FBXL8: variants seen among roughly 807,000 people sequenced by gnomAD.
FBXL8 encodes F-box/LRR-repeat protein 8.
In FBXL8, 13 loss-of-function variants were observed where a neutral mutation model predicts 8.2. The observed-to-expected ratio is 1.58, with a 90% CI of 1.03 to 2.51. The LOEUF (loss-of-function observed/expected upper bound fraction) is 2.51. FBXL8 is among the 30% of genes most tolerant of loss of function. The pLI, the probability that FBXL8 is intolerant of heterozygous loss-of-function variation, is 0.00. For synonymous variants in FBXL8, 271 were observed against 260.5 expected, an observed-to-expected ratio of 1.04 and a Z score of -0.39; for missense variants, 565 against 540.4, an observed-to-expected ratio of 1.05 and a Z score of -0.45.
At chr16:67,161,420 G>T (rs1802407476) in intron 1 of FBXL8, among the ~76,000 whole-genome samples, 1 of 149,778 alleles carries the variant, frequency 6.7e-6, no homozygotes, top group Non-Finnish European at 1.5e-5. Flanking sequence ...TCCAGCCTGG[G>T]TAAAGAGCGA....
At position 67,163,285 on chromosome 16, in the gene FBXL8, G is replaced by A. The variant is rs746787072; in HGVS notation, c.590G>A (p.Gly197Asp). ...GCCTGCCCGCGCCTGCGCGCTCTCG[G>A]CCTGCACCTAGCCAGTTTGTCGCAC... ...LEACPRLRALGLHLASLSHAI... is the reference protein window; with the variant it reads ...LEACPRLRALDLHLASLSHAI... Residue 197 changes from glycine to aspartate, a missense_variant, in exon 3 of 3, where the codon GGC (glycine) becomes GAC (aspartate). Gly to Asp is a moderately conservative substitution (Grantham distance 94). Coordinates refer to ENST00000258200, the MANE Select transcript of FBXL8 (RefSeq NM_018378.3). The A allele has an allele frequency of 8.3e-6, 13 of 1,574,926 alleles. No individual in the cohort carries two copies. In the Admixed American group the frequency reaches 8.9e-5, roughly 11 times the overall value.
rs867362676 is a variant in FBXL8, at chr16:67,163,317, C to T, written c.622C>T (p.Leu208Phe). 2 of 1,574,050 alleles carry T rather than the reference C, an allele frequency of 1.3e-6. No individual in the cohort carries two copies. Among genetic ancestry groups the T allele is most frequent in the Non-Finnish European group, 1.7e-6 (2 of 1,163,176 alleles). ...CCTAGCCAGTTTGTCGCACGCCATCCTCGAAGCACTGGCGGCGCCAGACCG... is the reference window on the plus strand; with the variant it reads ...CCTAGCCAGTTTGTCGCACGCCATCTTCGAAGCACTGGCGGCGCCAGACCG... ...LHLASLSHAI[L>F]EALAAPDRAP... Residue 208 changes from leucine (L) to phenylalanine (F), a missense_variant, in exon 3 of 3, where the codon CTC (leucine) becomes TTC (phenylalanine). Physicochemically the swap from Leu to Phe is conservative, Grantham distance 22. Coordinates refer to ENST00000258200, the MANE Select transcript of FBXL8 (RefSeq NM_018378.3).
At chr16:67,161,451 G>GAA (rs59873315) in intron 1 of FBXL8, among the ~76,000 whole-genome samples, 20 of 105,630 alleles carry the variant, frequency 1.9e-4, no homozygotes, top group African/African-American at 4.2e-4. Context: ...CAAAAAAAAA[G>GAA]AAAAAAAAAA....
Position 67,162,606 on chromosome 16 carries a change from C to T in FBXL8, c.153-242C>T, listed in dbSNP as rs1427835129. On this transcript the variant is annotated intron_variant, in intron 2 of 2. Coordinates refer to ENST00000258200, the MANE Select transcript of FBXL8 (RefSeq NM_018378.3). ...TAGAGACAGCTGAGAAAGCCCAGTT[C>T]CTAAAATATCATTGGCTCTCCATGT... 5 of 715,042 alleles carry T rather than the reference C, an allele frequency of 7.0e-6. No homozygotes were observed. The Admixed American group carries it at 1.0e-4, about 14-fold the overall frequency. 44.3% of individuals were successfully genotyped at this position (715,042 alleles called of 1,614,324 possible).
At chr16:67,160,324 A>G (rs2030857321) in intron 1 of FBXL8, 1 of 152,266 alleles carries the variant, frequency 6.6e-6, no homozygotes, top group East Asian at 1.9e-4. Context: ...ACGTGGCACA[A>G]ATTCCGGGAG....
rs748504461 is a variant in FBXL8 at position 67,162,862 on chromosome 16, T to C, written c.167T>C (p.Leu56Pro). 6.4e-7 allele frequency: 1 copy of C among 1,551,284 alleles called. No homozygotes were observed. The highest frequency in any genetic ancestry group is 2.4e-5 in the East Asian group (1 of 40,962). ...TCTAACCCAAGTTGCGAATGTGAGC[T>C]GGAAGGCATGCTGCCACCTTATCTG... ...HDTKISCECE[L>P]EGMLPPYLSA... Residue 56 changes from leucine to proline, a missense_variant, in exon 3 of 3, where the codon CTG (leucine) becomes CCG (proline). By Grantham distance (98) the Leu-to-Pro change is moderately conservative (BLOSUM62 -3). Transcript: ENST00000258200.
intron 1 of FBXL8, 154 bp from the exon 2 acceptor site, chr16:67,161,581 A>C (rs2145912260): frequency 1.9e-6 from 1 of 515,606 alleles, no homozygotes; most frequent in African/African-American, 2.0e-5. Context: ...AGGCGGTGAA[A>C]TCTGCTTTGT....
chr16:67,163,561 T>C lies in FBXL8; in HGVS notation c.866T>C (p.Val289Ala), dbSNP rs2031017935. 1.3e-6 allele frequency: 2 copies of C among 1,580,742 alleles called. No homozygotes were observed. The highest frequency in any genetic ancestry group is 1.7e-5 in the Admixed American group (1 of 58,440). Residue 289 changes from valine (V) to alanine (A), a missense_variant, in exon 3 of 3, where the codon GTA becomes GCA. By Grantham distance (64) the Val-to-Ala change is moderately conservative. Transcript: ENST00000258200. ...CGCCTCAACCTCTCAGGCGACACCG[T>C]AGGCCCAGTGCGCTTCGCAGCACAC... ...ALRLNLSGDT[V>A]GPVRFAAHHY...
At chr16:67,162,284 G>A (rs2030940675) in intron 2 of FBXL8, 1 of 416,744 alleles carries the variant, frequency 2.4e-6, no homozygotes, top group African/African-American at 2.0e-5. Context: ...AGCCGAGATG[G>A]CACCACTGCA....
intron 1 of FBXL8, chr16:67,160,981 G>C (rs1180592901): frequency 1.3e-5 from 2 of 152,670 alleles, no homozygotes; most frequent in African/African-American, 4.8e-5. Flanking sequence ...TCTCCCCGGC[G>C]AGGCGGAGGC....
At position 67,163,993 on chromosome 16, in the gene FBXL8, C is replaced by A; in HGVS notation, c.*173C>A. 1.1e-6 allele frequency: 1 copy of A among 922,162 alleles called. No homozygotes were observed. Among genetic ancestry groups the A allele is most frequent in the Non-Finnish European group, 1.7e-6 (1 of 587,940 alleles). The allele number at this position is 922,162 out of a possible 1,614,324, so 57.1% of individuals were successfully genotyped here. A position where few individuals can be genotyped will look rare whatever the true frequency, so the allele number is the denominator to read the frequency against. ...GGGACCAGTCCTGGGCGCCCTGAGACCACTCGCTGCTCTCACCCTCTGCAG... is the reference window on the plus strand; with the variant it reads ...GGGACCAGTCCTGGGCGCCCTGAGAACACTCGCTGCTCTCACCCTCTGCAG... On this transcript the variant is annotated 3_prime_UTR_variant, in exon 3 of 3. Coordinates refer to ENST00000258200, the MANE Select transcript of FBXL8 (RefSeq NM_018378.3).
In FBXL8 at chr16:67,161,791, C is replaced by T. The variant is rs2030914832; in HGVS notation, c.6C>T (p.Ala2=). 5 of 1,603,626 alleles carry T rather than the reference C, an allele frequency of 3.1e-6. No homozygotes were observed. The highest frequency in any genetic ancestry group is 4.5e-5 in the East Asian group (2 of 44,420). M[A]EPGEGLPEEV... ...ACCCCAGCCGGATCTGGGCCATGGC[C>T]GAGCCTGGAGAGGGACTGCCAGAGG... The change falls in exon 2 of 3, where the codon GCC becomes GCT. Residue 2 remains alanine, a synonymous_variant. Coordinates refer to ENST00000258200, the MANE Select transcript of FBXL8 (RefSeq NM_018378.3).
Position 67,163,648 on chromosome 16 carries a change from C to A in FBXL8, c.953C>A (p.Ala318Asp). 6.4e-7 allele frequency: 1 copy of A among 1,568,656 alleles called. No individual in the cohort carries two copies. Among genetic ancestry groups the A allele is most frequent in the Middle Eastern group, 1.7e-4 (1 of 5,896 alleles). The change falls in exon 3 of 3, where the codon GCC (alanine) becomes GAC (aspartate). Residue 318 changes from alanine to aspartate, a missense_variant. By Grantham distance (126) the Ala-to-Asp change is moderately radical. Coordinates refer to ENST00000258200, the MANE Select transcript of FBXL8 (RefSeq NM_018378.3). ...GCAGCCGCTTCGGCCGAGCTGAACGCCGCGCTGGAGGAGCTGGCGGCGCGC... is the reference window on the plus strand; with the variant it reads ...GCAGCCGCTTCGGCCGAGCTGAACGACGCGCTGGAGGAGCTGGCGGCGCGC... ...VRAAASAELN[A>D]ALEELAARCA...
At position 67,162,650 on chromosome 16, in the gene FBXL8, C is replaced by T. The variant is rs1218458304; in HGVS notation, c.153-198C>T. On this transcript the variant is annotated intron_variant, in intron 2 of 2. Coordinates refer to ENST00000258200, the MANE Select transcript of FBXL8 (RefSeq NM_018378.3). ...TCCATGTCCAGGTTTCATCCTGTGG[C>T]AGACGCCACTGAAATCTTCTAAAAG... is the stretch of plus-strand genomic sequence containing the variant. 50 of 765,830 alleles carry T rather than the reference C, an allele frequency of 6.5e-5. 1 individual carries two copies. The East Asian group carries it at 1.3e-3, about 20-fold the overall frequency. The allele number at this position is 765,830 out of a possible 1,614,324, so 47.4% of individuals were successfully genotyped here. A position where few individuals can be genotyped will look rare whatever the true frequency, so the allele number is the denominator to read the frequency against.
rs1042072046 is a variant in FBXL8 at position 67,163,302 on chromosome 16, T to A, written c.607T>A (p.Leu203Met). ...LRALGLHLAS[L>M]SHAILEALAA... The stretch of plus-strand genomic sequence containing the variant: ...CGCTCTCGGCCTGCACCTAGCCAGT[T>A]TGTCGCACGCCATCCTCGAAGCACT... Residue 203 changes from leucine (L) to methionine (M), a missense_variant, in exon 3 of 3, where the codon TTG becomes ATG. Coordinates refer to ENST00000258200, the MANE Select transcript of FBXL8 (RefSeq NM_018378.3). 1.3e-6 allele frequency: 2 copies of A among 1,576,694 alleles called. No homozygotes were observed. The highest frequency in any genetic ancestry group is 1.7e-6 in the Non-Finnish European group (2 of 1,163,782).
chr16:67,160,908 C>T (rs2030874664), intron 1 of FBXL8, among the ~76,000 whole-genome samples: 1 of 152,140 alleles, frequency 6.6e-6, no homozygotes, highest in African/African-American at 2.4e-5. Flanking sequence ...CCAGAACCGT[C>T]AGGTCCCAGA....
In FBXL8 at chr16:67,161,924, G is replaced by A. The variant is rs755226451; in HGVS notation, c.139G>A (p.Asp47Asn). 7.5e-6 allele frequency: 12 copies of A among 1,607,184 alleles called. No individual in the cohort carries two copies. The highest frequency in any genetic ancestry group is 5.0e-5 in the Admixed American group (3 of 59,486). ...AAATCSAVWH[D>N]TKISCECELE... The stretch of plus-strand genomic sequence containing the variant: ...TGCTACCTGCAGCGCCGTGTGGCAC[G>A]ACACAAAAATCAGGTGAGCCTGCTC... The change falls in exon 2 of 3, where the codon GAC (aspartate) becomes AAC (asparagine). Residue 47 changes from aspartate to asparagine, a missense_variant. Asp to Asn is a conservative substitution (Grantham distance 23). Coordinates refer to ENST00000258200, the MANE Select transcript of FBXL8 (RefSeq NM_018378.3).
intron 1 of FBXL8, among the ~76,000 whole-genome samples, chr16:67,161,462 A>G (rs1386444072): frequency 1.3e-5 from 2 of 151,886 alleles, no homozygotes; most frequent in Non-Finnish European, 2.9e-5. Flanking sequence ...AAAAAAAAAA[A>G]AAAAAGTGGG....
chr16:67,162,712 G>A, intron 2 of FBXL8, 136 bp from the exon 3 acceptor site: 1 of 1,217,420 alleles, frequency 8.2e-7, no homozygotes, highest in Non-Finnish European at 1.2e-6. Context: ...GGCAACAGTC[G>A]TGGTCTGAAC....
Sources: allele counts gnomAD v4.1 joint callset (sites outside exome capture counted in the v4.1 genomes callset), GRCh38; gene constraint gnomAD v4.1.1; transcripts MANE v1.5; gene names NCBI Gene and HGNC (gene_info 2026-07-23, HGNC 2026-07-21).